Variants in EML4 observed in about 807,000 individuals in gnomAD.
EML4 encodes the protein echinoderm microtubule-associated protein-like 4.
A neutral mutation model predicts 129.0 loss-of-function variants in EML4; 72 were observed. That is an observed-to-expected ratio of 0.56 (90% CI 0.46 to 0.68). The LOEUF is 0.68. Among genes scored for constraint, EML4 ranks in the 30% least tolerant of loss-of-function variants. EML4 has a pLI of 0.00. For missense variants in EML4, 1,363 were observed against 1,190.6 expected (o/e 1.14, Z -2.13); for synonymous variants, 532 against 405.0 (o/e 1.31, Z -3.77).
chr2:42,245,797 GT>G, intron 2 of EML4, 110 bp downstream of exon 2: 1 of 1,045,962 alleles, frequency 9.6e-7, no homozygotes, highest in Non-Finnish European at 1.3e-6. Flanking sequence ...TGTGATTATA[GT>G]TTGTTTTCCA....
intron 1 of EML4, among the ~76,000 whole-genome samples, chr2:42,232,115 AGAT>A (rs1297723501): frequency 6.6e-6 from 1 of 152,216 alleles, no homozygotes; most frequent in African/African-American, 2.4e-5. Flanking sequence ...AAAAGAGAGA[AGAT>A]GATTCTTAAT....
chr2:42,202,567 G>A (rs1278650274), intron 1 of EML4, among the ~76,000 whole-genome samples: 1 of 152,190 alleles, frequency 6.6e-6, no homozygotes, highest in Admixed American at 6.5e-5. Context: ...GCCAGTCTGA[G>A]TCCCAAAGCT....
At chr2:42,249,670 C>T (rs960646176) in intron 2 of EML4, among the ~76,000 whole-genome samples, 1 of 152,154 alleles carries the variant, frequency 6.6e-6, no homozygotes, top group African/African-American at 2.4e-5. Flanking sequence ...ATCAGAAACA[C>T]ACCTAACCTT....
intron 1 of EML4, among the ~76,000 whole-genome samples, chr2:42,234,247 T>C (rs186778598): frequency 1.3e-5 from 2 of 152,250 alleles, no homozygotes; most frequent in Admixed American, 1.3e-4. Context: ...GTTTGTGTGG[T>C]AGGCCATCTG....
At chr2:42,188,333 C>T (rs1041395330) in intron 1 of EML4, among the ~76,000 whole-genome samples, 6 of 152,082 alleles carry the variant, frequency 3.9e-5, no homozygotes, top group Non-Finnish European at 7.4e-5. Flanking sequence ...GTGATCCTCC[C>T]ACTCACCTCG....
intron 17 of EML4, among the ~76,000 whole-genome samples, chr2:42,314,062 T>C (rs1233795175): frequency 6.6e-6 from 1 of 150,480 alleles, no homozygotes; most frequent in Non-Finnish European, 1.5e-5. Context: ...AAAATAAAGA[T>C]TAAAAATAAA....
chr2:42,295,322 A>G (rs536198435), intron 12 of EML4, 59 bp from the exon 13 acceptor site: 11 of 1,601,372 alleles, frequency 6.9e-6, no homozygotes, highest in East Asian at 6.7e-5. Flanking sequence ...TAATTGTTTA[A>G]TAAGCATCAA....
At chr2:42,296,040 T>G (rs1285923825) in intron 13 of EML4, among the ~76,000 whole-genome samples, 1 of 152,198 alleles carries the variant, frequency 6.6e-6, no homozygotes, top group African/African-American at 2.4e-5. Context: ...AAGTTTTATT[T>G]GCACCCAAAT....
chr2:42,264,275 C>G (rs1665929705), intron 5 of EML4, among the ~76,000 whole-genome samples: 1 of 151,926 alleles, frequency 6.6e-6, no homozygotes, highest in Admixed American at 6.6e-5. Flanking sequence ...CCACCATGCC[C>G]AACTAATGTT....
chr2:42,238,044 T>C (rs1674784916), intron 1 of EML4, among the ~76,000 whole-genome samples: 1 of 152,250 alleles, frequency 6.6e-6, no homozygotes, highest in Non-Finnish European at 1.5e-5. Context: ...CAGTATACAC[T>C]TTATTTCATG....
intron 2 of EML4, among the ~76,000 whole-genome samples, chr2:42,252,924 C>T (rs929335672): frequency 6.6e-6 from 1 of 152,100 alleles, no homozygotes; most frequent in African/African-American, 2.4e-5. Context: ...GTTTTCATTG[C>T]CAATGTGATT....
chr2:42,198,792 C>G (rs1321750891), intron 1 of EML4, among the ~76,000 whole-genome samples: 1 of 152,118 alleles, frequency 6.6e-6, no homozygotes, highest in Non-Finnish European at 1.5e-5. Context: ...GTTTGATGAC[C>G]ATGGGTTTTT....
rs1239894890 is a variant in EML4 at position 42,330,021 on chromosome 2, C to T, written c.2760C>T (p.Pro920=). 2 of 1,613,654 alleles carry T rather than the reference C, an allele frequency of 1.2e-6. No homozygotes were observed. Among genetic ancestry groups the T allele is most frequent in the East Asian group, 2.2e-5 (1 of 44,874 alleles). ...AEEESRISSS[P]TLLENSLEQT... ...AGGAAAGTAGAATAAGCAGTTCTCC[C>T]ACACTTCTGGAGAACAGCCTGGAAC... Residue 920 remains proline, a synonymous_variant, in exon 23 of 23, where the codon CCC becomes CCT. Coordinates refer to ENST00000318522, the MANE Select transcript of EML4 (RefSeq NM_019063.5).
intron 3 of EML4, among the ~76,000 whole-genome samples, chr2:42,259,350 A>G (rs554760951): frequency 1.6e-4 from 24 of 152,234 alleles, no homozygotes; most frequent in African/African-American, 5.5e-4. Context: ...CATCAGCTTT[A>G]TAATATTGTC....
rs941098025 is a variant in EML4 at position 42,320,093 on chromosome 2, A to G, written c.2154+2569A>G. The G allele has an allele frequency of 5.3e-5, 8 of 152,348 alleles. No homozygotes were observed. In the East Asian group the frequency reaches 9.6e-4, roughly 18 times the overall value. 9.4% of individuals were successfully genotyped at this position (152,348 alleles called of 1,614,324 possible). A position where few individuals can be genotyped will look rare whatever the true frequency, so the allele number is the denominator to read the frequency against. ...CAGTTGAAAAGATGGCTGGTACCCAATGATGTGAAACAGCACTTCTTGGTA... is the reference window on the plus strand; with the variant it reads ...CAGTTGAAAAGATGGCTGGTACCCAGTGATGTGAAACAGCACTTCTTGGTA... On this transcript the variant is annotated intron_variant, in intron 19 of 22. Coordinates refer to ENST00000318522, the MANE Select transcript of EML4 (RefSeq NM_019063.5).
At position 42,280,865 on chromosome 2, in the gene EML4, A is replaced by C; in HGVS notation, c.683A>C (p.Lys228Thr). The C allele has an allele frequency of 6.2e-7, 1 of 1,609,774 alleles. No homozygotes were observed. The highest frequency in any genetic ancestry group is 8.5e-7 in the Non-Finnish European group (1 of 1,178,382). Residue 228 changes from lysine to threonine, a missense_variant, in exon 7 of 23, where the codon AAA becomes ACA. By Grantham distance (78) the Lys-to-Thr change is moderately conservative. Coordinates refer to ENST00000318522, the MANE Select transcript of EML4 (RefSeq NM_019063.5). ...VIINQEGEYI[K>T]MFMRGRPITM... Reference sequence around the variant, plus strand: ...GTTTCAACAGAAGGAGAATATATTAAAATGTTTATGCGCGGTCGGCCAATT... The same window carrying C: ...GTTTCAACAGAAGGAGAATATATTACAATGTTTATGCGCGGTCGGCCAATT...
intron 1 of EML4, among the ~76,000 whole-genome samples, chr2:42,245,099 T>C (rs1256066869): frequency 1.7e-5 from 2 of 119,010 alleles, no homozygotes; most frequent in African/African-American, 6.7e-5. Context: ...TCTTTCTTTT[T>C]TTTTTTTTTT....
At chr2:42,328,075 G>C (rs940762824) in intron 21 of EML4, among the ~76,000 whole-genome samples, 1 of 152,066 alleles carries the variant, frequency 6.6e-6, no homozygotes, top group Non-Finnish European at 1.5e-5. Context: ...ACCCATAGCT[G>C]GTAGCTTCTG....
intron 1 of EML4, among the ~76,000 whole-genome samples, chr2:42,235,689 C>T (rs944053374): frequency 1.3e-5 from 2 of 151,926 alleles, no homozygotes; most frequent in Non-Finnish European, 2.9e-5. Context: ...TATTATATCT[C>T]ATATCATGTA....
Sources: gnomAD v4.1 joint callset for allele counts (sites outside exome capture counted in the v4.1 genomes callset) on GRCh38, gnomAD v4.1.1 for gene constraint, MANE v1.5 for transcripts, NCBI Gene and HGNC (gene_info 2026-07-23, HGNC 2026-07-21) for gene names.